BTG4: variants seen among roughly 807,000 people sequenced by gnomAD.
BTG4 encodes protein BTG4.
Under a neutral mutation model 19.3 loss-of-function variants are expected in BTG4, and 10 were observed. The observed-to-expected ratio is 0.52, with a 90% CI of 0.32 to 0.88. The LOEUF (loss-of-function observed/expected upper bound fraction) is 0.88, where lower values mean the gene tolerates loss of function less well. Ranked by LOEUF, BTG4 falls within the 40% of genes least tolerant of loss-of-function variation. The pLI, the probability that BTG4 is intolerant of heterozygous loss-of-function variation, is 0.04. For missense variants in BTG4, 238 were observed against 281.9 expected (o/e 0.84, Z 1.11); for synonymous variants, 91 against 95.7 (o/e 0.95, Z 0.29).
chr11:111,472,692 T>C (rs1055966401), intron 5 of BTG4, among the ~76,000 whole-genome samples: 2 of 152,234 alleles, frequency 1.3e-5, no homozygotes, highest in Non-Finnish European at 2.9e-5. Context: ...AGTTTTCCTA[T>C]ATCCTTTCCT....
chr11:111,408,698 G>C, the BTG4 span, among the ~76,000 whole-genome samples: 1 of 152,262 alleles, frequency 6.6e-6, no homozygotes, highest in African/African-American at 2.4e-5. Flanking sequence ...ACCCATGAGA[G>C]ATGGCAACAT....
At chr11:111,418,084 C>T in the BTG4 span, 9 of 152,186 alleles carry the variant, frequency 5.9e-5, no homozygotes, top group Admixed American at 5.9e-4. Flanking sequence ...AGAAGGGAAG[C>T]TCATTATGCT....
chr11:111,453,501 T>A, the BTG4 span: 2 of 456,598 alleles, frequency 4.4e-6, no homozygotes, highest in Non-Finnish European at 8.8e-6. Flanking sequence ...ATGCCTACAC[T>A]TCCCCAAGAA....
rs144142118 is a variant in BTG4, at chr11:111,502,487, G to A, written c.-26-3685C>T. 2.8e-3 allele frequency among the ~76,000 whole-genome samples: 429 copies of A among 152,148 alleles called. 3 individuals are homozygous for A. Among genetic ancestry groups the A allele is most frequent in the African/African-American group, 9.9e-3 (412 of 41,508 alleles). ...GGACAAATTTGCATCATTTATTCTCGTATTTTCTAGCCATTTGCTAGGGTA... is the reference window on the plus strand; with the variant it reads ...GGACAAATTTGCATCATTTATTCTCATATTTTCTAGCCATTTGCTAGGGTA... On this transcript the variant is annotated intron_variant, in intron 1 of 4. Coordinates refer to ENST00000692032, the MANE Select transcript of BTG4 (RefSeq NM_001367975.1).
rs543665878 is a variant in BTG4, at chr11:111,478,508, C to T, written c.663-10827G>A. On this transcript the variant is annotated intron_variant, in intron 5 of 5. Coordinates refer to the BTG4 transcript ENST00000356018. ...AGATAAACAAAGAGTGAGGAGAAAA[C>T]CTAATCAACAGATTACAACACCAAG... Among the ~76,000 whole-genome samples, 47 of 152,046 alleles carry T rather than the reference C, an allele frequency of 3.1e-4. No individual in the cohort carries two copies. The South Asian group carries it at 8.3e-3, about 27-fold the overall frequency.
chr11:111,446,624 A>AACAC, the BTG4 span, among the ~76,000 whole-genome samples: 5,546 of 146,742 alleles, frequency 0.038, 92 homozygotes, highest in Middle Eastern at 0.075. Context: ...GACACCAATA[A>AACAC]ACACACACAC....
the BTG4 span, among the ~76,000 whole-genome samples, chr11:111,393,608 G>C: frequency 1.3e-5 from 2 of 152,318 alleles, no homozygotes; most frequent in African/African-American, 4.8e-5. Context: ...AGGTTGCAGA[G>C]AAAAGCCAGG....
the BTG4 span, among the ~76,000 whole-genome samples, chr11:111,413,290 A>T: frequency 2.0e-5 from 3 of 152,242 alleles, no homozygotes; most frequent in Non-Finnish European, 4.4e-5. Flanking sequence ...CAGCTCAGGA[A>T]CTTACTAGAA....
the BTG4 span, among the ~76,000 whole-genome samples, chr11:111,446,589 T>C: frequency 4.0e-5 from 6 of 150,902 alleles, no homozygotes; most frequent in South Asian, 1.3e-3. Context: ...TAATCTTACT[T>C]CCTATAAAAA....
the BTG4 span, among the ~76,000 whole-genome samples, chr11:111,443,574 A>G: frequency 2.6e-5 from 4 of 152,236 alleles, no homozygotes; most frequent in East Asian, 1.9e-4. Flanking sequence ...AAAAACTTAC[A>G]TAACTTAAAA....
intron 5 of BTG4, among the ~76,000 whole-genome samples, chr11:111,472,185 G>A (rs1417676933): frequency 6.6e-6 from 1 of 152,170 alleles, no homozygotes; most frequent in Non-Finnish European, 1.5e-5. Context: ...TTTACTCAGA[G>A]CAAAAGCCAA....
Position 111,495,044 on chromosome 11 carries a change from C to T in BTG4, c.*91G>A. The T allele has an allele frequency of 7.3e-7, 1 of 1,374,402 alleles. No homozygotes were observed. The highest frequency in any genetic ancestry group is 9.4e-7 in the Non-Finnish European group (1 of 1,065,968). 85.1% of individuals were successfully genotyped at this position (1,374,402 alleles called of 1,614,324 possible). On this transcript the variant is annotated 3_prime_UTR_variant, in exon 5 of 5. Transcript: ENST00000692032. ...TCCCTAATATGGTCATTTTTTGTTT[C>T]ATGGGCCTCTCAACCTTAAATTCAT...
chr11:111,405,422 AAAAAAAAAAAAAAG>A, the BTG4 span, among the ~76,000 whole-genome samples: 399 of 148,666 alleles, frequency 2.7e-3, 5 homozygotes, highest in African/African-American at 8.8e-3. Context: ...AAAAAAAAAA[AAAAAAAAAAAAAAG>A]ATGTCAGGAC....
chr11:111,514,516 A>C, upstream of BTG4: 1 of 487,600 alleles, frequency 2.1e-6, no homozygotes, highest in Non-Finnish European at 3.7e-6. Context: ...ATAAGAAGCT[A>C]AACTACTCCC....
At chr11:111,448,870 A>G in the BTG4 span, among the ~76,000 whole-genome samples, 2 of 136,792 alleles carry the variant, frequency 1.5e-5, no homozygotes, top group African/African-American at 2.9e-5. Flanking sequence ...TTAGTCTTGC[A>G]TGGGACATAG....
At chr11:111,386,373 C>G in the BTG4 span, 1 of 152,160 alleles carries the variant, frequency 6.6e-6, no homozygotes, top group Admixed American at 6.5e-5. Context: ...ATTCATACGA[C>G]CTTTCAATAA....
At chr11:111,391,266 G>A in the BTG4 span, among the ~76,000 whole-genome samples, 2 of 152,054 alleles carry the variant, frequency 1.3e-5, no homozygotes, top group South Asian at 2.1e-4. Context: ...CAGTTGCTGC[G>A]ACAAACTCCA....
chr11:111,402,082 A>C, the BTG4 span, among the ~76,000 whole-genome samples: 3 of 152,214 alleles, frequency 2.0e-5, no homozygotes, highest in South Asian at 6.2e-4. Context: ...CCTGATGGGA[A>C]GTAATGGAAT....
downstream of BTG4, among the ~76,000 whole-genome samples, chr11:111,493,293 A>C (rs1196380684): frequency 6.6e-6 from 1 of 152,230 alleles, no homozygotes; most frequent in Non-Finnish European, 1.5e-5. Flanking sequence ...TGGAGAGTAA[A>C]GATTACCTTA....
Sources: allele counts gnomAD v4.1 joint callset (sites outside exome capture counted in the v4.1 genomes callset), GRCh38; gene constraint gnomAD v4.1.1; transcripts MANE v1.5; gene names NCBI Gene and HGNC (gene_info 2026-07-23, HGNC 2026-07-21).